Variants in ASIC2 observed in about 807,000 individuals in gnomAD.
The protein encoded by ASIC2 is acid sensing ion channel subunit 2.
ASIC2 carries 25 observed loss-of-function variants against 57.3 expected under a neutral mutation model. The ratio of observed to expected loss-of-function variants is 0.44; its 90% confidence interval spans 0.32 to 0.61. The LOEUF (loss-of-function observed/expected upper bound fraction) is 0.61, where lower values mean the gene tolerates loss of function less well. Among genes scored for constraint, ASIC2 ranks in the 20% least tolerant of loss-of-function variants. The probability of loss-of-function intolerance (pLI) is 0.06; values close to 1 mark genes in which losing one functional copy is unlikely to be tolerated. For missense variants in ASIC2, 641 were observed against 738.1 expected (o/e 0.87, Z 1.52); for synonymous variants, 319 against 307.5 (o/e 1.04, Z -0.39).
chr17:33,894,327 CTGCGTGCGTGCG>C lies in ASIC2; in HGVS notation c.555+261639_555+261650del, dbSNP rs763612647. ...GGGGAAGGACAGAATGAGAGAAGCT[CTGCGTGCGTGCG>C]TGCGTGCGTGCGTGTGTGTGTGTGT... On this transcript the variant is annotated intron_variant, in intron 1 of 9. Coordinates refer to the ASIC2 transcript ENST00000359872. Among the ~76,000 whole-genome samples, 93 of 147,326 alleles carry C rather than the reference CTGCGTGCGTGCG, an allele frequency of 6.3e-4. 2 individuals carry two copies. The highest frequency in any genetic ancestry group is 8.1e-4 in the East Asian group (4 of 4,910).
At chr17:33,567,357 G>A (rs1257284012) in intron 1 of ASIC2, among the ~76,000 whole-genome samples, 2 of 152,120 alleles carry the variant, frequency 1.3e-5, no homozygotes, top group African/African-American at 4.8e-5. Flanking sequence ...AGGTGCGTCA[G>A]AAAATGGGCA....
intron 1 of ASIC2, among the ~76,000 whole-genome samples, chr17:33,362,984 C>T (rs1908668812): frequency 6.6e-6 from 1 of 152,170 alleles, no homozygotes; most frequent in Non-Finnish European, 1.5e-5. Flanking sequence ...AAGAAAAATC[C>T]TCTTAATGAC....
At chr17:33,831,649 T>C (rs1913117024) in intron 1 of ASIC2, among the ~76,000 whole-genome samples, 1 of 151,822 alleles carries the variant, frequency 6.6e-6, no homozygotes, top group African/African-American at 2.4e-5. Flanking sequence ...CTGATTTGAT[T>C]TGGGAACTGT....
At chr17:33,344,735 G>T (rs575386936) in intron 1 of ASIC2, among the ~76,000 whole-genome samples, 1 of 152,124 alleles carries the variant, frequency 6.6e-6, no homozygotes, top group South Asian at 2.1e-4. Flanking sequence ...ATTTTTTCAG[G>T]TTATTAACCC....
Position 33,037,110 on chromosome 17 carries a change from A to G in ASIC2, c.988-8718T>C, listed in dbSNP as rs1268283642. 5.6e-5 allele frequency among the ~76,000 whole-genome samples: 8 copies of G among 142,910 alleles called. 1 individual carries two copies. The East Asian group carries it at 1.6e-3, about 29-fold the overall frequency. 93.8% of individuals were successfully genotyped at this position (142,910 alleles called of 152,430 possible). On this transcript the variant is annotated intron_variant, in intron 3 of 9. Coordinates refer to ENST00000225823, the MANE Select transcript of ASIC2 (RefSeq NM_183377.2). ...GTACCCTCAAACCCCAAATTAAAAA[A>G]AATTAGCCAGGTGTGGTAGCAAAAA...
intron 1 of ASIC2, among the ~76,000 whole-genome samples, chr17:33,733,769 A>T (rs77907150): frequency 0.04 from 6,020 of 152,224 alleles, 159 homozygotes; most frequent in Non-Finnish European, 0.059. Context: ...CCATCACAGT[A>T]GTTACCCTCG....
At chr17:33,601,072 G>A (rs577438168) in intron 1 of ASIC2, among the ~76,000 whole-genome samples, 2 of 152,252 alleles carry the variant, frequency 1.3e-5, no homozygotes, top group East Asian at 3.9e-4. Flanking sequence ...TAAAATGAGA[G>A]AAGAGAGAAA....
At chr17:34,117,617 A>G (rs7221501) in intron 1 of ASIC2, among the ~76,000 whole-genome samples, 8,979 of 152,212 alleles carry the variant, frequency 0.059, 828 homozygotes, top group African/African-American at 0.19. Context: ...CAATCATCCC[A>G]ACAGAAGATG....
chr17:33,300,166 T>A (rs1418381145), intron 1 of ASIC2, among the ~76,000 whole-genome samples: 2 of 152,176 alleles, frequency 1.3e-5, no homozygotes. Flanking sequence ...CCCAAAGCCA[T>A]CAATTTCTTG....
At chr17:33,243,768 A>G (rs933074590) in intron 1 of ASIC2, among the ~76,000 whole-genome samples, 1 of 152,166 alleles carries the variant, frequency 6.6e-6, no homozygotes, top group Non-Finnish European at 1.5e-5. Flanking sequence ...TAGTATGAAA[A>G]ATTTCAAACA....
At chr17:33,578,852 T>TG (rs577090220) in intron 1 of ASIC2, among the ~76,000 whole-genome samples, 254 of 152,292 alleles carry the variant, frequency 1.7e-3, no homozygotes, top group Non-Finnish European at 2.4e-3. Context: ...AGCTAAACAT[T>TG]GGGGTCTGTG....
intron 1 of ASIC2, among the ~76,000 whole-genome samples, chr17:33,887,218 C>A (rs1914850186): frequency 1.3e-5 from 2 of 152,120 alleles, no homozygotes; most frequent in Non-Finnish European, 2.9e-5. Flanking sequence ...TTAATTAAGA[C>A]CTCAAACATG....
chr17:33,711,147 T>G (rs1006365247), intron 1 of ASIC2, among the ~76,000 whole-genome samples: 113 of 152,198 alleles, frequency 7.4e-4, no homozygotes, highest in African/African-American at 2.6e-3. Flanking sequence ...GGCGTTGTGT[T>G]TGGGTAACAC....
intron 1 of ASIC2, among the ~76,000 whole-genome samples, chr17:33,541,881 AC>A (rs1915422592): frequency 6.6e-6 from 1 of 152,082 alleles, no homozygotes; most frequent in Non-Finnish European, 1.5e-5. Context: ...CAGGGTTAAG[AC>A]CCACTGGACA....
chr17:33,437,449 C>T (rs999898426), intron 1 of ASIC2, among the ~76,000 whole-genome samples: 4 of 151,926 alleles, frequency 2.6e-5, no homozygotes, highest in African/African-American at 9.7e-5. Context: ...TTTTAAAACC[C>T]ACATATATAT....
chr17:33,190,723 A>T (rs1906380861), intron 1 of ASIC2, among the ~76,000 whole-genome samples: 1 of 152,182 alleles, frequency 6.6e-6, no homozygotes, highest in African/African-American at 2.4e-5. Flanking sequence ...ATCTACATGA[A>T]TAACATCAGA....
intron 1 of ASIC2, among the ~76,000 whole-genome samples, chr17:33,141,128 C>A (rs922658308): frequency 6.6e-6 from 1 of 152,190 alleles, no homozygotes; most frequent in Non-Finnish European, 1.5e-5. Flanking sequence ...GAGAGTGAGT[C>A]CTCTTATGGC....
chr17:33,786,122 C>A (rs1030635604), intron 1 of ASIC2, among the ~76,000 whole-genome samples: 6 of 152,254 alleles, frequency 3.9e-5, no homozygotes, highest in South Asian at 4.2e-4. Flanking sequence ...CTGTGCCCCC[C>A]CCTTGATCAT....
intron 1 of ASIC2, among the ~76,000 whole-genome samples, chr17:33,567,893 G>T (rs753469020): frequency 6.6e-6 from 1 of 151,860 alleles, no homozygotes; most frequent in Non-Finnish European, 1.5e-5. Context: ...TCTACATAGC[G>T]CAAGTCTTCA....
Sources: gnomAD v4.1 joint callset for allele counts (sites outside exome capture counted in the v4.1 genomes callset) on GRCh38, gnomAD v4.1.1 for gene constraint, MANE v1.5 for transcripts, NCBI Gene and HGNC (gene_info 2026-07-23, HGNC 2026-07-21) for gene names.